MALRD1: variants seen among roughly 807,000 people sequenced by gnomAD.
The protein encoded by MALRD1 is MAM and LDL-receptor class A domain-containing protein 1.
MALRD1 carries 247 observed loss-of-function variants against 242.1 expected under a neutral mutation model. The ratio of observed to expected loss-of-function variants is 1.02; its 90% confidence interval spans 0.92 to 1.13. MALRD1 has a LOEUF of 1.13. MALRD1 is among the 50% of genes most tolerant of loss of function. The pLI is 0.00. For synonymous variants in MALRD1, 995 were observed against 866.6 expected, an observed-to-expected ratio of 1.15 and a Z score of -2.60; for missense variants, 2,989 against 2,533.1, an observed-to-expected ratio of 1.18 and a Z score of -3.86.
chr10:19,727,352 A>T (rs1835077876), intron 38 of MALRD1, among the ~76,000 whole-genome samples: 2 of 152,180 alleles, frequency 1.3e-5, no homozygotes, highest in East Asian at 1.9e-4. Context: ...CCATGCTTTT[A>T]TCAACACTAA....
At chr10:19,393,195 T>G (rs1846410421) in intron 28 of MALRD1, among the ~76,000 whole-genome samples, 2 of 152,192 alleles carry the variant, frequency 1.3e-5, no homozygotes, top group Admixed American at 6.6e-5. Context: ...ATAGTTCATT[T>G]TTAAAATGGC....
At chr10:19,450,266 G>A in intron 28 of MALRD1, 41 bp from the exon 29 acceptor site, 1 of 1,497,232 alleles carries the variant, frequency 6.7e-7, no homozygotes, top group South Asian at 1.3e-5. Context: ...ATCTTCTTTT[G>A]TGTTTGATTA....
At chr10:19,056,161 G>A (rs545079108) in intron 1 of MALRD1, among the ~76,000 whole-genome samples, 1 of 151,848 alleles carries the variant, frequency 6.6e-6, no homozygotes, top group Non-Finnish European at 1.5e-5. Context: ...GCTCCAGATT[G>A]TTTTGGCTAC....
At chr10:19,585,322 G>T (rs148831281) in intron 33 of MALRD1, among the ~76,000 whole-genome samples, 1 of 152,002 alleles carries the variant, frequency 6.6e-6, no homozygotes, top group Non-Finnish European at 1.5e-5. Flanking sequence ...TTCTAGTCTC[G>T]ATGGTCTTTA....
chr10:19,310,495 C>T (rs1842383683), intron 21 of MALRD1, among the ~76,000 whole-genome samples: 1 of 151,538 alleles, frequency 6.6e-6, no homozygotes, highest in South Asian at 2.1e-4. Context: ...ACTTGCAAAC[C>T]TGGATTGTCA....
intron 21 of MALRD1, among the ~76,000 whole-genome samples, chr10:19,311,450 C>G (rs940303984): frequency 2.6e-5 from 4 of 151,308 alleles, no homozygotes; most frequent in Non-Finnish European, 4.4e-5. Context: ...ACAAAATTTT[C>G]TAACTGAACA....
At chr10:19,118,964 G>T (rs981994089) in intron 5 of MALRD1, among the ~76,000 whole-genome samples, 1 of 152,126 alleles carries the variant, frequency 6.6e-6, no homozygotes, top group African/African-American at 2.4e-5. Flanking sequence ...AGATTATAGT[G>T]GAGCAGGGAC....
chr10:19,174,542 T>TTC (rs140031809), intron 13 of MALRD1, among the ~76,000 whole-genome samples: 24 of 150,572 alleles, frequency 1.6e-4, no homozygotes, highest in South Asian at 6.3e-4. Context: ...TTTCCCTCCT[T>TTC]TCTCTCTCTC....
At chr10:19,452,868 T>C (rs1348577285) in intron 29 of MALRD1, among the ~76,000 whole-genome samples, 3 of 152,184 alleles carry the variant, frequency 2.0e-5, no homozygotes, top group Admixed American at 6.6e-5. Context: ...AGTCAAACTA[T>C]GTGGGCATGG....
chr10:19,418,435 A>G (rs1257893323), intron 28 of MALRD1, among the ~76,000 whole-genome samples: 1 of 151,952 alleles, frequency 6.6e-6, no homozygotes, highest in East Asian at 1.9e-4. Flanking sequence ...GGAGATTGAG[A>G]TTAAGGTTTT....
intron 38 of MALRD1, among the ~76,000 whole-genome samples, chr10:19,693,577 G>C (rs1209432351): frequency 6.6e-6 from 1 of 152,072 alleles, no homozygotes; most frequent in East Asian, 1.9e-4. Context: ...AATAAAAGAG[G>C]ACACAAACAA....
chr10:19,552,606 ACTAT>A (rs1835533615), intron 32 of MALRD1, among the ~76,000 whole-genome samples: 1 of 151,906 alleles, frequency 6.6e-6, no homozygotes, highest in Admixed American at 6.6e-5. Flanking sequence ...TAAGAACACT[ACTAT>A]CTCTCACAAC....
rs145501919 is a variant in MALRD1 at position 19,655,100 on chromosome 10, A to G, written c.6138-37182A>G. Among the ~76,000 whole-genome samples the G allele has an allele frequency of 5.0e-3, 761 of 152,322 alleles. 6 individuals are homozygous for G. The highest frequency in any genetic ancestry group is 8.6e-3 in the Admixed American group (131 of 15,286). ...AGAATCATGAAGAATAGGAATCTGTAGACAGAATAAAGCTGCAAAGGTTAT... is the reference window on the plus strand; with the variant it reads ...AGAATCATGAAGAATAGGAATCTGTGGACAGAATAAAGCTGCAAAGGTTAT... On this transcript the variant is annotated intron_variant, in intron 36 of 39. Coordinates refer to ENST00000454679, the MANE Select transcript of MALRD1 (RefSeq NM_001142308.3).
chr10:19,263,191 C>A (rs1422553016), intron 19 of MALRD1, among the ~76,000 whole-genome samples: 1 of 152,138 alleles, frequency 6.6e-6, no homozygotes, highest in Non-Finnish European at 1.5e-5. Context: ...TGGATAGTTA[C>A]ATTTTAAATT....
intron 31 of MALRD1, among the ~76,000 whole-genome samples, chr10:19,500,875 C>T (rs1837936412): frequency 6.6e-6 from 1 of 152,026 alleles, no homozygotes; most frequent in East Asian, 1.9e-4. Context: ...CCTGTGGATG[C>T]ATCAGTGAAT....
intron 26 of MALRD1, among the ~76,000 whole-genome samples, chr10:19,369,315 T>G: frequency 6.8e-6 from 1 of 147,020 alleles, no homozygotes; most frequent in South Asian, 2.1e-4. Context: ...ATATAATACA[T>G]AATAAAATAT....
intron 5 of MALRD1, among the ~76,000 whole-genome samples, chr10:19,109,346 G>A (rs533248466): frequency 3.3e-5 from 5 of 152,270 alleles, no homozygotes; most frequent in Admixed American, 2.6e-4. Flanking sequence ...CTCCACTACC[G>A]GGTTGGGTGT....
intron 19 of MALRD1, among the ~76,000 whole-genome samples, chr10:19,272,580 T>C (rs1840301449): frequency 1.3e-5 from 2 of 152,138 alleles, no homozygotes; most frequent in Non-Finnish European, 2.9e-5. Flanking sequence ...GTTTGTTACA[T>C]AGGTATACAT....
In MALRD1 at chr10:19,449,876, T is replaced by G. The variant is rs575360332; in HGVS notation, c.4846-431T>G. Among the ~76,000 whole-genome samples the G allele has an allele frequency of 2.2e-4, 33 of 152,206 alleles. 1 individual carries two copies. In the South Asian group the frequency reaches 6.8e-3, roughly 32 times the overall value. On this transcript the variant is annotated intron_variant, in intron 28 of 39. Coordinates refer to ENST00000454679, the MANE Select transcript of MALRD1 (RefSeq NM_001142308.3). ...GGGAGGGGGAAGAAAAAAGAAATGT[T>G]CCATATTATTGTGAAAGAAAATTCA...
Sources: allele counts gnomAD v4.1 joint callset (sites outside exome capture counted in the v4.1 genomes callset), GRCh38; gene constraint gnomAD v4.1.1; transcripts MANE v1.5; gene names NCBI Gene and HGNC (gene_info 2026-07-23, HGNC 2026-07-21).